Variants in COX15 observed in about 807,000 individuals in gnomAD.
The protein encoded by COX15 is cytochrome c oxidase assembly factor COX15.
COX15 carries 51 observed loss-of-function variants against 51.9 expected under a neutral mutation model. The ratio of observed to expected loss-of-function variants is 0.98; its 90% CI spans 0.78 to 1.24. The LOEUF is 1.24. Ranked by LOEUF, COX15 falls within the 50% of genes most tolerant of loss-of-function variation. The pLI is 0.00. For missense variants in COX15, 420 were observed against 501.1 expected, an observed-to-expected ratio of 0.84 and a Z score of 1.55; for synonymous variants, 188 against 190.5, an observed-to-expected ratio of 0.99 and a Z score of 0.11.
the COX15 span, among the ~76,000 whole-genome samples, chr10:99,698,163 C>T: frequency 6.6e-6 from 1 of 152,296 alleles, no homozygotes; most frequent in South Asian, 2.1e-4. Context: ...ACCTCACCCC[C>T]TACCAGTTGT....
chr10:99,730,741 A>G (rs2037110937), intron 1 of COX15, among the ~76,000 whole-genome samples: 1 of 152,248 alleles, frequency 6.6e-6, no homozygotes, highest in Non-Finnish European at 1.5e-5. Flanking sequence ...ACATAGAAAA[A>G]TTACAGTAAA....
chr10:99,711,262 TC>T lies in COX15; in HGVS notation c.*3324del. On this transcript the variant is annotated 3_prime_UTR_variant, in exon 9 of 9. Coordinates refer to ENST00000016171, the MANE Select transcript of COX15 (RefSeq NM_078470.6). ...CTTAACTTACTCATGAGTTGCTACT[TC>T]CTTGGAGGCAACTGTAGAAGCATTA... is the stretch of plus-strand genomic sequence containing the variant. 1.0e-6 allele frequency: 1 copy of T among 985,422 alleles called. No individual in the cohort carries two copies. The highest frequency in any genetic ancestry group is 1.2e-6 in the Non-Finnish European group (1 of 829,924). 61.0% of individuals were successfully genotyped at this position (985,422 alleles called of 1,614,324 possible). A position where few individuals can be genotyped will look rare whatever the true frequency, so the allele number is the denominator to read the frequency against.
At chr10:99,697,391 CT>C in the COX15 span, 1 of 156,118 alleles carries the variant, frequency 6.4e-6, no homozygotes, top group East Asian at 1.9e-4. Flanking sequence ...GCTGTGCTTC[CT>C]TTTCCATTTT....
At chr10:99,710,534 A>T, downstream of COX15, 1 of 985,406 alleles carries the variant, frequency 1.0e-6, no homozygotes. Flanking sequence ...TTCACATTAA[A>T]CAATAATTTT....
At chr10:99,729,526 C>T in intron 2 of COX15, 27 bp downstream of exon 2, 2 of 1,604,600 alleles carry the variant, frequency 1.2e-6, no homozygotes, top group Non-Finnish European at 1.7e-6. Context: ...ATCCAAATAC[C>T]TGACTCACTA....
At chr10:99,715,168 C>A (rs770496970) in intron 8 of COX15, among the ~76,000 whole-genome samples, 8 of 152,082 alleles carry the variant, frequency 5.3e-5, no homozygotes, top group Non-Finnish European at 1.2e-4. Context: ...GACAGAGTTT[C>A]ACTCTGTCTG....
chr10:99,702,265 G>T, the COX15 span, among the ~76,000 whole-genome samples: 2 of 151,996 alleles, frequency 1.3e-5, no homozygotes, highest in African/African-American at 4.8e-5. Context: ...ATTTTAATAT[G>T]CTCTCTGAAG....
chr10:99,726,576 AT>A (rs2036956204), intron 4 of COX15, among the ~76,000 whole-genome samples: 1 of 152,104 alleles, frequency 6.6e-6, no homozygotes, highest in Admixed American at 6.6e-5. Flanking sequence ...TGCCTCAGAG[AT>A]TATTTCCTTA....
rs2036572855 is a variant in COX15 at position 99,716,315 on chromosome 10, G to C, written c.1101+33C>G. The C allele has an allele frequency of 2.8e-6, 4 of 1,453,226 alleles. No homozygotes were observed. The African/African-American group carries it at 5.6e-5, about 20-fold the overall frequency. The allele number at this position is 1,453,226 out of a possible 1,614,324, so 90.0% of individuals were successfully genotyped here. On this transcript the variant is annotated intron_variant, in intron 8 of 8. Transcript: ENST00000016171. ...GCCCCTTTTTTAACTTTGTATTGGG[G>C]ATACTGTCAGAACAAAAAGAAGTGG... is the stretch of plus-strand genomic sequence containing the variant.
Position 99,731,941 on chromosome 10 carries a change from G to T in COX15, c.90+19C>A. The T allele has an allele frequency of 6.2e-7, 1 of 1,601,410 alleles. No homozygotes were observed. The highest frequency in any genetic ancestry group is 8.5e-7 in the Non-Finnish European group (1 of 1,174,170). ...TCCATCCCCGCTCCCGCGACTCGGAGTCCGCTGCAGTGCGGTACCTGTGCT... is the reference window on the plus strand; with the variant it reads ...TCCATCCCCGCTCCCGCGACTCGGATTCCGCTGCAGTGCGGTACCTGTGCT... On this transcript the variant is annotated intron_variant, in intron 1 of 8. Coordinates refer to ENST00000016171, the MANE Select transcript of COX15 (RefSeq NM_078470.6).
intron 2 of COX15, 135 bp downstream of exon 2, chr10:99,729,418 C>A (rs1249181981): frequency 3.2e-6 from 3 of 926,642 alleles, no homozygotes; most frequent in African/African-American, 1.6e-5. Flanking sequence ...CGAGATCACA[C>A]CACTGCACTC....
Position 99,728,389 on chromosome 10 carries a change from T to C in COX15, c.273-826A>G, listed in dbSNP as rs1564650619. On this transcript the variant is annotated intron_variant, in intron 2 of 8. Transcript: ENST00000016171. ...TTAAAAATTCAAATCCTTTATTTGT[T>C]GCCTTTGGAGGATTTGGGGGACCAA... is the stretch of plus-strand genomic sequence containing the variant. Among the ~76,000 whole-genome samples the C allele has an allele frequency of 2.0e-5, 3 of 152,220 alleles. No individual in the cohort carries two copies. In the South Asian group the frequency reaches 6.2e-4, roughly 31 times the overall value.
intron 4 of COX15, among the ~76,000 whole-genome samples, chr10:99,726,110 T>C (rs527399811): frequency 1.3e-5 from 2 of 152,316 alleles, no homozygotes; most frequent in South Asian, 4.1e-4. Flanking sequence ...ACTTACGTGA[T>C]TTTAATTGCC....
At chr10:99,730,877 GTAGCGAGACCCCC>G (rs1490859231) in intron 1 of COX15, among the ~76,000 whole-genome samples, 1 of 152,146 alleles carries the variant, frequency 6.6e-6, no homozygotes, top group Non-Finnish European at 1.5e-5. Flanking sequence ...CCTGGGCAAT[GTAGCGAGACCCCC>G]TATCTCTATT....
chr10:99,727,574 G>C lies in COX15; in HGVS notation c.273-11C>G, dbSNP rs759500201. ...CCAGACTCTGTCAACCTTAGGATAG[G>C]AAAGAAATTTTGGGGTGTATGCGTG... On this transcript the variant is annotated splice_polypyrimidine_tract_variant and intron_variant, in intron 2 of 8. Coordinates refer to ENST00000016171, the MANE Select transcript of COX15 (RefSeq NM_078470.6). 6 of 1,612,924 alleles carry C rather than the reference G, an allele frequency of 3.7e-6. No homozygotes were observed. Among genetic ancestry groups the C allele is most frequent in the Non-Finnish European group, 5.1e-6 (6 of 1,179,964 alleles).
Position 99,727,085 on chromosome 10 carries a change from C to A in COX15, c.465G>T (p.Trp155Cys), listed in dbSNP as rs748619413. Residue 155 changes from tryptophan (W) to cysteine (C), a missense_variant, in exon 4 of 9, where the codon TGG becomes TGT. Transcript: ENST00000016171. ...IWYMEYSHRM[W>C]GRLVGLVYIL... ...TGTACACAAGGCCTACAAGGCGACC[C>A]CACATTCGGTGTGAGTACTCCATGT... The A allele has an allele frequency of 1.2e-6, 2 of 1,614,186 alleles. No homozygotes were observed. The highest frequency in any genetic ancestry group is 1.7e-6 in the Non-Finnish European group (2 of 1,180,036).
the COX15 span, among the ~76,000 whole-genome samples, chr10:99,700,446 T>G: frequency 2.9e-4 from 42 of 146,900 alleles, 1 homozygote; most frequent in African/African-American, 9.5e-4. Flanking sequence ...GTGTGTGTGT[T>G]TATTGTCTGT....
At chr10:99,695,006 G>A in the COX15 span, among the ~76,000 whole-genome samples, 1 of 152,120 alleles carries the variant, frequency 6.6e-6, no homozygotes, top group Non-Finnish European at 1.5e-5. Context: ...GGCAGAGAAT[G>A]GAATGAGATT....
At chr10:99,717,149 T>C (rs1336451159) in intron 7 of COX15, among the ~76,000 whole-genome samples, 2 of 152,122 alleles carry the variant, frequency 1.3e-5, no homozygotes, top group Non-Finnish European at 2.9e-5. Flanking sequence ...CCAGCCCCCG[T>C]TGGACAGCTG....
Sources: gnomAD v4.1 joint callset for allele counts (sites outside exome capture counted in the v4.1 genomes callset) on GRCh38, gnomAD v4.1.1 for gene constraint, MANE v1.5 for transcripts, NCBI Gene and HGNC (gene_info 2026-07-23, HGNC 2026-07-21) for gene names.